The following STXBP5L variants were observed in gnomAD, a reference collection of about 807,000 sequenced individuals.
The protein encoded by STXBP5L is syntaxin-binding protein 5-like.
Under a neutral mutation model 144.5 loss-of-function variants are expected in STXBP5L, and 65 were observed. That is an observed-to-expected ratio of 0.45 (90% confidence interval 0.37 to 0.55). STXBP5L has a LOEUF of 0.55. Among genes scored for constraint, STXBP5L ranks in the 20% least tolerant of loss-of-function variants. The pLI, the probability that STXBP5L is intolerant of heterozygous loss-of-function variation, is 0.00. For missense variants in STXBP5L, 1,298 were observed against 1,405.5 expected, an observed-to-expected ratio of 0.92 and a Z score of 1.22; for synonymous variants, 505 against 469.6, an observed-to-expected ratio of 1.08 and a Z score of -0.97.
chr3:120,957,264 T>G (rs1042060303), intron 3 of STXBP5L, among the ~76,000 whole-genome samples: 1 of 152,012 alleles, frequency 6.6e-6, no homozygotes, highest in Non-Finnish European at 1.5e-5. Context: ...AATTTGAAAT[T>G]AGATGAATTT....
chr3:121,106,829 A>G (rs2043736335), intron 5 of STXBP5L, among the ~76,000 whole-genome samples: 1 of 152,200 alleles, frequency 6.6e-6, no homozygotes, highest in African/African-American at 2.4e-5. Flanking sequence ...ACTGTCTTCC[A>G]CAATGGTTGA....
intron 21 of STXBP5L, 51 bp downstream of exon 21, chr3:121,378,937 A>G (rs765055069): frequency 2.2e-5 from 35 of 1,558,808 alleles, no homozygotes; most frequent in Non-Finnish European, 3.0e-5. Context: ...TTGGTTTACA[A>G]TGGTAATGGG....
intron 12 of STXBP5L, among the ~76,000 whole-genome samples, chr3:121,236,339 A>G (rs151303417): frequency 2.6e-5 from 4 of 152,338 alleles, no homozygotes; most frequent in Admixed American, 2.6e-4. Context: ...TTATAAAGGA[A>G]TACTCAAGGC....
chr3:120,985,096 T>C (rs998710685), intron 3 of STXBP5L, among the ~76,000 whole-genome samples: 1 of 152,130 alleles, frequency 6.6e-6, no homozygotes, highest in Admixed American at 6.5e-5. Context: ...CCAGTGTTCA[T>C]AAGGGATATT....
chr3:121,173,136 A>G (rs924260716), intron 9 of STXBP5L, among the ~76,000 whole-genome samples: 3 of 151,992 alleles, frequency 2.0e-5, no homozygotes, highest in African/African-American at 4.8e-5. Context: ...GTGAGAACAC[A>G]TGGAAACACA....
chr3:121,350,994 G>C (rs758788870), intron 20 of STXBP5L, among the ~76,000 whole-genome samples: 4 of 152,108 alleles, frequency 2.6e-5, no homozygotes, highest in Non-Finnish European at 4.4e-5. Context: ...TTGTTCCATT[G>C]CTGGTGAGGA....
At chr3:121,015,907 G>A (rs1290485454) in intron 3 of STXBP5L, among the ~76,000 whole-genome samples, 1 of 152,074 alleles carries the variant, frequency 6.6e-6, no homozygotes, top group African/African-American at 2.4e-5. Flanking sequence ...TCAAGACTGA[G>A]ATTTAATCAT....
intron 19 of STXBP5L, among the ~76,000 whole-genome samples, chr3:121,307,645 AT>A (rs1159187149): frequency 6.6e-6 from 1 of 152,168 alleles, no homozygotes; most frequent in Non-Finnish European, 1.5e-5. Context: ...AGAGAAAAAA[AT>A]ATGAAGAAAA....
At chr3:121,096,595 C>T (rs1287394907) in intron 5 of STXBP5L, among the ~76,000 whole-genome samples, 1 of 152,212 alleles carries the variant, frequency 6.6e-6, no homozygotes, top group Non-Finnish European at 1.5e-5. Flanking sequence ...CAGTCAGGCC[C>T]CTCTGCTGCA....
intron 6 of STXBP5L, 81 bp downstream of exon 6, chr3:121,115,140 T>G (rs2044176698): frequency 7.4e-7 from 1 of 1,345,550 alleles, no homozygotes; most frequent in African/African-American, 1.5e-5. Context: ...TTACAGTTAT[T>G]TGATACGTCT....
At chr3:120,947,844 A>G (rs769856558) in intron 2 of STXBP5L, among the ~76,000 whole-genome samples, 54 of 151,900 alleles carry the variant, frequency 3.6e-4, no homozygotes, top group Non-Finnish European at 4.0e-4. Context: ...CATTTTGTTT[A>G]TTTATTCATC....
At chr3:121,053,316 G>A (rs547700067) in intron 5 of STXBP5L, among the ~76,000 whole-genome samples, 12 of 152,088 alleles carry the variant, frequency 7.9e-5, no homozygotes, top group Non-Finnish European at 1.3e-4. Context: ...AAAGTCGGAG[G>A]CATCACACTC....
At chr3:121,309,782 C>T (rs553398819) in intron 19 of STXBP5L, among the ~76,000 whole-genome samples, 1 of 152,066 alleles carries the variant, frequency 6.6e-6, no homozygotes, top group South Asian at 2.1e-4. Context: ...TTATCACAGT[C>T]CTATAAAAAA....
intron 22 of STXBP5L, among the ~76,000 whole-genome samples, chr3:121,390,833 A>T (rs1047588743): frequency 6.7e-6 from 1 of 149,236 alleles, no homozygotes; most frequent in African/African-American, 2.5e-5. Context: ...CCTTCATTTC[A>T]ACCTTGGTGA....
At chr3:121,167,105 C>A (rs1314002046) in intron 9 of STXBP5L, among the ~76,000 whole-genome samples, 1 of 151,986 alleles carries the variant, frequency 6.6e-6, no homozygotes, top group Non-Finnish European at 1.5e-5. Flanking sequence ...TAAAGAGAAA[C>A]AAGGAAGCAA....
chr3:121,340,783 A>C (rs955508435), intron 20 of STXBP5L, among the ~76,000 whole-genome samples: 47 of 152,124 alleles, frequency 3.1e-4, no homozygotes, highest in Non-Finnish European at 7.4e-5. Context: ...TGAACCAATA[A>C]AAAATAACAA....
At chr3:120,980,711 A>G (rs911196455) in intron 3 of STXBP5L, among the ~76,000 whole-genome samples, 7 of 152,080 alleles carry the variant, frequency 4.6e-5, no homozygotes, top group African/African-American at 1.7e-4. Flanking sequence ...TTCAAGGTTA[A>G]TATTCATATG....
At chr3:121,142,298 A>G (rs2045541383) in intron 7 of STXBP5L, among the ~76,000 whole-genome samples, 1 of 152,052 alleles carries the variant, frequency 6.6e-6, no homozygotes, top group South Asian at 2.1e-4. Context: ...ATAGATAGCA[A>G]TGCAATCATA....
intron 20 of STXBP5L, among the ~76,000 whole-genome samples, chr3:121,349,287 C>A (rs2045160551): frequency 6.6e-6 from 1 of 152,032 alleles, no homozygotes; most frequent in South Asian, 2.1e-4. Context: ...TTTCTTAATC[C>A]TGCGTTCTAG....
Sources: allele counts gnomAD v4.1 joint callset (sites outside exome capture counted in the v4.1 genomes callset), GRCh38; gene constraint gnomAD v4.1.1; transcripts MANE v1.5; gene names NCBI Gene and HGNC (gene_info 2026-07-23, HGNC 2026-07-21).